GAREM1: variants seen among roughly 807,000 people sequenced by gnomAD.
GAREM1 encodes the protein GRB2 associated regulator of MAPK1 subtype 1.
GAREM1 carries 26 observed loss-of-function variants against 71.3 expected under a neutral mutation model. The ratio of observed to expected loss-of-function variants is 0.36; its 90% CI spans 0.27 to 0.51. The LOEUF is 0.51. Among genes scored for constraint, GAREM1 ranks in the 20% least tolerant of loss-of-function variants. The pLI is 0.95. For missense variants in GAREM1, 1,026 were observed against 1,103.1 expected (o/e 0.93, Z 0.99); for synonymous variants, 440 against 433.2 (o/e 1.02, Z -0.20).
rs143968688 is a variant in GAREM1, at chr18:32,425,838, CTTCTT to C, written c.122-32808_122-32804del. 5.7e-3 allele frequency among the ~76,000 whole-genome samples: 868 copies of C among 152,258 alleles called. 10 individuals are homozygous for C. Among genetic ancestry groups the C allele is most frequent in the African/African-American group, 0.02 (814 of 41,542 alleles). On this transcript the variant is annotated intron_variant, in intron 1 of 5. Coordinates refer to ENST00000269209, the MANE Select transcript of GAREM1 (RefSeq NM_001242409.2). Reference sequence around the variant, plus strand: ...GTGAGAAAGAAAACAGTTGTTCAGCCTTCTTTTCTTGACAATTTTTTGCATATTCA... The same window carrying C: ...GTGAGAAAGAAAACAGTTGTTCAGCCTTCTTGACAATTTTTTGCATATTCA...
At chr18:32,341,339 C>T (rs148011543) in intron 2 of GAREM1, among the ~76,000 whole-genome samples, 17,451 of 152,124 alleles carry the variant, frequency 0.11, 1,998 homozygotes, top group African/African-American at 0.29. Flanking sequence ...TAGTATTCCA[C>T]GGTGTATATG....
intron 1 of GAREM1, among the ~76,000 whole-genome samples, chr18:32,425,756 A>T (rs908043148): frequency 6.6e-6 from 1 of 152,194 alleles, no homozygotes; most frequent in Non-Finnish European, 1.5e-5. Flanking sequence ...TGCAAGAAAT[A>T]CTTCTTTTCA....
At chr18:32,401,730 C>T (rs1245137343) in intron 1 of GAREM1, among the ~76,000 whole-genome samples, 2 of 152,192 alleles carry the variant, frequency 1.3e-5, no homozygotes, top group African/African-American at 4.8e-5. Flanking sequence ...GTAGAACACA[C>T]TGCCATTCGG....
intron 1 of GAREM1, among the ~76,000 whole-genome samples, chr18:32,423,836 G>A (rs2048545665): frequency 6.6e-6 from 1 of 152,138 alleles, no homozygotes; most frequent in Non-Finnish European, 1.5e-5. Flanking sequence ...GAGTATAGAT[G>A]TCTATTAAGA....
At chr18:32,432,799 A>G (rs1204305545) in intron 1 of GAREM1, among the ~76,000 whole-genome samples, 1 of 152,130 alleles carries the variant, frequency 6.6e-6, no homozygotes, top group African/African-American at 2.4e-5. Flanking sequence ...GTAGTGAGAC[A>G]ATTTTCCTCA....
chr18:32,331,473 T>G (rs1024485477), intron 2 of GAREM1: 5 of 152,216 alleles, frequency 3.3e-5, no homozygotes, highest in Admixed American at 1.3e-4. Context: ...ACTATCTCAG[T>G]GTGGAAGCAA....
At chr18:32,320,514 CAA>C (rs377766542) in intron 2 of GAREM1, among the ~76,000 whole-genome samples, 1 of 152,108 alleles carries the variant, frequency 6.6e-6, no homozygotes, top group Non-Finnish European at 1.5e-5. Context: ...AGTCTCAATA[CAA>C]AGTCTCAAAA....
intron 2 of GAREM1, among the ~76,000 whole-genome samples, chr18:32,334,819 T>C (rs992398379): frequency 5.3e-5 from 8 of 152,190 alleles, no homozygotes; most frequent in Admixed American, 3.3e-4. Flanking sequence ...TGATTCCATT[T>C]CCCTCTTCTT....
intron 4 of GAREM1, among the ~76,000 whole-genome samples, chr18:32,286,786 A>G (rs963451089): frequency 6.6e-6 from 1 of 152,302 alleles, no homozygotes; most frequent in African/African-American, 2.4e-5. Context: ...TCCGGGCAGC[A>G]GCAAAAGTCA....
At chr18:32,275,000 A>C (rs1489966103) in intron 4 of GAREM1, among the ~76,000 whole-genome samples, 1 of 152,080 alleles carries the variant, frequency 6.6e-6, no homozygotes, top group Non-Finnish European at 1.5e-5. Context: ...TATACCATAG[A>C]ATATCTTTTA....
At chr18:32,402,187 C>G (rs1254729610) in intron 1 of GAREM1, among the ~76,000 whole-genome samples, 1 of 152,086 alleles carries the variant, frequency 6.6e-6, no homozygotes, top group African/African-American at 2.4e-5. Flanking sequence ...ATATATTTAA[C>G]TCAACAATGT....
intron 3 of GAREM1, among the ~76,000 whole-genome samples, chr18:32,298,704 T>C (rs544571342): frequency 6.6e-6 from 1 of 152,308 alleles, no homozygotes; most frequent in Admixed American, 6.5e-5. Flanking sequence ...ATCTGTTCTC[T>C]AGCAACAATT....
intron 1 of GAREM1, among the ~76,000 whole-genome samples, chr18:32,402,562 A>C (rs1399144257): frequency 3.3e-5 from 5 of 151,998 alleles, no homozygotes; most frequent in African/African-American, 1.2e-4. Flanking sequence ...ATTTTCTCTC[A>C]GTGCTTTCTC....
intron 2 of GAREM1, among the ~76,000 whole-genome samples, chr18:32,358,775 G>C (rs1433443522): frequency 6.6e-6 from 1 of 152,132 alleles, no homozygotes; most frequent in Non-Finnish European, 1.5e-5. Context: ...TAGGAGGTCA[G>C]GGTCAAAGGA....
chr18:32,330,567 C>T (rs1259053133), intron 2 of GAREM1, among the ~76,000 whole-genome samples: 2 of 151,852 alleles, frequency 1.3e-5, no homozygotes, highest in Non-Finnish European at 2.9e-5. Context: ...TTAAATAATG[C>T]TAAATGAAAA....
Position 32,266,909 on chromosome 18 carries a change from G to A in GAREM1, c.*962C>T, listed in dbSNP as rs550789083. 1.2e-4 allele frequency: 18 copies of A among 152,262 alleles called. No homozygotes were observed. The highest frequency in any genetic ancestry group is 7.4e-5 in the Non-Finnish European group (5 of 68,020). The allele number at this position is 152,262 out of a possible 1,614,324, so 9.4% of individuals were successfully genotyped here. On this transcript the variant is annotated 3_prime_UTR_variant, in exon 6 of 6. Transcript: ENST00000269209. The stretch of plus-strand genomic sequence containing the variant: ...TATTACATGCAAAAACCAGCCCTGC[G>A]GTGAGTGGGCTTAAACTCAAACTTA...
chr18:32,394,234 T>C (rs1002554664), intron 1 of GAREM1, among the ~76,000 whole-genome samples: 2 of 151,942 alleles, frequency 1.3e-5, no homozygotes, highest in Non-Finnish European at 2.9e-5. Context: ...ATCCCATCTC[T>C]ACAAAAAAAA....
chr18:32,451,167 G>A (rs754306949), intron 1 of GAREM1, among the ~76,000 whole-genome samples: 6 of 152,048 alleles, frequency 3.9e-5, no homozygotes, highest in South Asian at 2.1e-4. Flanking sequence ...AAACAAGAAT[G>A]AAAACAATCA....
chr18:32,448,048 GATA>G (rs1464670687), intron 1 of GAREM1, among the ~76,000 whole-genome samples: 1 of 152,142 alleles, frequency 6.6e-6, no homozygotes, highest in Non-Finnish European at 1.5e-5. Flanking sequence ...TATGGACATA[GATA>G]ATAAAGAATT....
Sources: gnomAD v4.1 joint callset for allele counts (sites outside exome capture counted in the v4.1 genomes callset) on GRCh38, gnomAD v4.1.1 for gene constraint, MANE v1.5 for transcripts, NCBI Gene and HGNC (gene_info 2026-07-23, HGNC 2026-07-21) for gene names.